Variants in SGCD observed in about 807,000 individuals in gnomAD.
SGCD encodes sarcoglycan delta, also known as delta-sarcoglycan.
Under a neutral mutation model 36.6 loss-of-function variants are expected in SGCD, and 18 were observed. The observed-to-expected ratio is 0.49, with a 90% CI of 0.34 to 0.73. SGCD has a LOEUF of 0.73. Ranked by LOEUF, SGCD falls within the 30% of genes least tolerant of loss-of-function variation. The pLI, the probability that SGCD is intolerant of heterozygous loss-of-function variation, is 0.01. For synonymous variants in SGCD, 133 were observed against 130.6 expected, an observed-to-expected ratio of 1.02 and a Z score of -0.12; for missense variants, 387 against 346.7, an observed-to-expected ratio of 1.12 and a Z score of -0.92.
chr5:155,947,789 G>T (rs1219440800), intron 1 of SGCD, among the ~76,000 whole-genome samples: 7 of 152,126 alleles, frequency 4.6e-5, no homozygotes, highest in Non-Finnish European at 1.0e-4. Flanking sequence ...GAGAGCTCCT[G>T]TAGTCACTCT....
intron 4 of SGCD, among the ~76,000 whole-genome samples, chr5:156,514,398 C>A (rs1757070655): frequency 6.6e-6 from 1 of 152,186 alleles, no homozygotes; most frequent in African/African-American, 2.4e-5. Context: ...ACCTCAAACT[C>A]CATTTGAGGG....
At chr5:155,847,155 G>T in the SGCD span, among the ~76,000 whole-genome samples, 1 of 152,324 alleles carries the variant, frequency 6.6e-6, no homozygotes, top group Non-Finnish European at 1.5e-5. Flanking sequence ...GGGTACATGT[G>T]CATGTGTGTC....
At chr5:156,078,681 CGTGT>C in intron 1 of SGCD, among the ~76,000 whole-genome samples, 1 of 146,200 alleles carries the variant, frequency 6.8e-6, no homozygotes, top group East Asian at 2.0e-4. Flanking sequence ...CATATATATG[CGTGT>C]GTGTGTGTAT....
chr5:156,491,858 A>T (rs1299663132), intron 3 of SGCD, among the ~76,000 whole-genome samples: 1 of 151,968 alleles, frequency 6.6e-6, no homozygotes, highest in African/African-American at 2.4e-5. Context: ...TTGTGACATA[A>T]CTCATTTTTA....
the SGCD span, among the ~76,000 whole-genome samples, chr5:155,728,063 G>T: frequency 6.6e-6 from 1 of 152,132 alleles, no homozygotes; most frequent in South Asian, 2.1e-4. Flanking sequence ...GCGGGGAGCT[G>T]GGGGAGCCTT....
At chr5:156,343,112 C>CAA (rs5872457) in intron 2 of SGCD, among the ~76,000 whole-genome samples, 222 of 148,552 alleles carry the variant, frequency 1.5e-3, no homozygotes, top group Middle Eastern at 7.1e-3. Context: ...ATCTAAAAAC[C>CAA]AAAAAAAAAA....
the SGCD span, among the ~76,000 whole-genome samples, chr5:155,774,883 A>T: frequency 6.6e-6 from 1 of 152,120 alleles, no homozygotes; most frequent in Non-Finnish European, 1.5e-5. Context: ...ACAGACCCCT[A>T]CCAGTTTATG....
At chr5:156,177,259 C>T (rs1763497582) in intron 3 of SGCD, among the ~76,000 whole-genome samples, 1 of 152,122 alleles carries the variant, frequency 6.6e-6, no homozygotes, top group African/African-American at 2.4e-5. Context: ...CTCGGCCACC[C>T]AATGTGCTGG....
intron 1 of SGCD, among the ~76,000 whole-genome samples, chr5:156,077,170 A>G (rs776134812): frequency 6.6e-5 from 10 of 152,000 alleles, no homozygotes; most frequent in Admixed American, 5.2e-4. Context: ...CCTCTTTTTG[A>G]TAATATTTTG....
chr5:156,149,196 T>C (rs1296550642), intron 3 of SGCD, among the ~76,000 whole-genome samples: 1 of 152,220 alleles, frequency 6.6e-6, no homozygotes, highest in Non-Finnish European at 1.5e-5. Context: ...ATGCAATGTG[T>C]AAAATCACAT....
chr5:156,510,486 T>C (rs1163283294), intron 4 of SGCD, among the ~76,000 whole-genome samples: 2 of 152,250 alleles, frequency 1.3e-5, no homozygotes, highest in African/African-American at 4.8e-5. Flanking sequence ...TTTAGACTAA[T>C]AGTCTTACCT....
chr5:156,257,594 T>G (rs1765748438), intron 3 of SGCD, among the ~76,000 whole-genome samples: 1 of 152,182 alleles, frequency 6.6e-6, no homozygotes. Context: ...TCGGGCGCGG[T>G]GGCTCATGCC....
At chr5:156,140,999 C>T (rs1323351415) in intron 3 of SGCD, among the ~76,000 whole-genome samples, 1 of 152,144 alleles carries the variant, frequency 6.6e-6, no homozygotes, top group African/African-American at 2.4e-5. Context: ...GCTTGCTGCC[C>T]AGGGCTTCCT....
chr5:156,538,062 T>C (rs530490431), intron 4 of SGCD, among the ~76,000 whole-genome samples: 12 of 152,020 alleles, frequency 7.9e-5, no homozygotes, highest in South Asian at 2.1e-4. Flanking sequence ...TAAATCCTTC[T>C]TGGCTTTCTC....
At chr5:156,079,437 A>G (rs1183752127) in intron 1 of SGCD, among the ~76,000 whole-genome samples, 1 of 152,184 alleles carries the variant, frequency 6.6e-6, no homozygotes, top group Non-Finnish European at 1.5e-5. Context: ...AGCTTAACTC[A>G]TTCCAGCATT....
At chr5:156,420,325 C>T (rs182725271) in intron 3 of SGCD, among the ~76,000 whole-genome samples, 1 of 152,094 alleles carries the variant, frequency 6.6e-6, no homozygotes, top group East Asian at 1.9e-4. Flanking sequence ...AGCATAAATG[C>T]AAGAGCAGCT....
the SGCD span, among the ~76,000 whole-genome samples, chr5:155,745,915 T>C: frequency 6.6e-6 from 1 of 152,232 alleles, no homozygotes; most frequent in Non-Finnish European, 1.5e-5. Context: ...GAGTATACTT[T>C]GGCATTTTCT....
rs61045342 is a variant in SGCD at position 155,876,564 on chromosome 5, C to T, written c.-282+6140C>T. Among the ~76,000 whole-genome samples the T allele has an allele frequency of 7.7e-3, 1,171 of 151,958 alleles. 14 individuals are homozygous for T. The highest frequency in any genetic ancestry group is 0.027 in the African/African-American group (1,111 of 41,494). On this transcript the variant is annotated intron_variant, in intron 1 of 9. Transcript: ENST00000517913. ...GCACTTCGTAGGCCAAACCTTTTGA[C>T]CTTAGAAGCAAATACTGTATTTGTA...
chr5:156,459,409 G>C (rs1258455243), intron 3 of SGCD, among the ~76,000 whole-genome samples: 1 of 152,124 alleles, frequency 6.6e-6, no homozygotes, highest in East Asian at 1.9e-4. Flanking sequence ...TGAATGATTT[G>C]TTAAAAACAG....
Sources: allele counts gnomAD v4.1 joint callset (sites outside exome capture counted in the v4.1 genomes callset), GRCh38; gene constraint gnomAD v4.1.1; transcripts MANE v1.5; gene names NCBI Gene and HGNC (gene_info 2026-07-23, HGNC 2026-07-21).